Variants in ARSB observed in about 807,000 individuals in gnomAD.
The protein encoded by ARSB is arylsulfatase B.
In ARSB, 41 loss-of-function variants were observed where a neutral mutation model predicts 50.9. The ratio of observed to expected loss-of-function variants is 0.81; its 90% confidence interval spans 0.63 to 1.04. The LOEUF (loss-of-function observed/expected upper bound fraction) is 1.04, where lower values mean the gene tolerates loss of function less well. ARSB is among the 50% of genes least tolerant of loss of function. ARSB has a pLI of 0.00. For synonymous variants in ARSB, 269 were observed against 284.8 expected, an observed-to-expected ratio of 0.94 and a Z score of 0.56; for missense variants, 672 against 693.3, an observed-to-expected ratio of 0.97 and a Z score of 0.35.
intron 4 of ARSB, among the ~76,000 whole-genome samples, chr5:78,930,959 T>C (rs1415655008): frequency 2.0e-5 from 3 of 152,122 alleles, no homozygotes; most frequent in African/African-American, 7.2e-5. Flanking sequence ...GGAAGGCGAC[T>C]GTAGTCTTTC....
chr5:78,823,612 A>G (rs1744320883), intron 6 of ARSB, among the ~76,000 whole-genome samples: 1 of 152,224 alleles, frequency 6.6e-6, no homozygotes, highest in Non-Finnish European at 1.5e-5. Flanking sequence ...GGTGGTAGAT[A>G]CTGAGCTCCT....
At chr5:78,890,201 C>T (rs1034912397) in intron 4 of ARSB, among the ~76,000 whole-genome samples, 8 of 151,160 alleles carry the variant, frequency 5.3e-5, no homozygotes, top group South Asian at 2.1e-4. Flanking sequence ...ATTTTGGAGA[C>T]ATTATCTACC....
intron 5 of ARSB, among the ~76,000 whole-genome samples, chr5:78,877,299 T>C (rs1409501755): frequency 1.3e-5 from 2 of 152,222 alleles, no homozygotes; most frequent in African/African-American, 4.8e-5. Flanking sequence ...AGTTGCCTAA[T>C]AAATCCTAAA....
At chr5:78,813,131 C>T (rs1330656516) in intron 6 of ARSB, among the ~76,000 whole-genome samples, 1 of 151,680 alleles carries the variant, frequency 6.6e-6, no homozygotes, top group Non-Finnish European at 1.5e-5. Flanking sequence ...GTGGTGCAAT[C>T]TCGGCTCACT....
intron 6 of ARSB, among the ~76,000 whole-genome samples, chr5:78,828,039 C>T (rs1744509533): frequency 6.6e-6 from 1 of 151,936 alleles, no homozygotes; most frequent in Admixed American, 6.6e-5. Flanking sequence ...AAAAATTCTA[C>T]AAACTAAGAA....
At chr5:78,928,683 C>T (rs1209458234) in intron 4 of ARSB, among the ~76,000 whole-genome samples, 1 of 152,024 alleles carries the variant, frequency 6.6e-6, no homozygotes, top group East Asian at 1.9e-4. Context: ...ATTCTTCCAT[C>T]GAAGAATCAA....
intron 3 of ARSB, among the ~76,000 whole-genome samples, chr5:78,960,044 C>T (rs1580129334): frequency 6.6e-6 from 1 of 152,226 alleles, no homozygotes; most frequent in South Asian, 2.1e-4. Flanking sequence ...GGTCCAGATC[C>T]CTGTTCTCAT....
chr5:78,967,247 A>G (rs1752246524), intron 2 of ARSB, among the ~76,000 whole-genome samples: 1 of 152,132 alleles, frequency 6.6e-6, no homozygotes, highest in Non-Finnish European at 1.5e-5. Context: ...CCTTCTCCCA[A>G]AGGAGAAATT....
intron 4 of ARSB, among the ~76,000 whole-genome samples, chr5:78,940,912 A>G (rs924722455): frequency 3.3e-5 from 5 of 152,190 alleles, no homozygotes; most frequent in African/African-American, 1.2e-4. Context: ...CTTCCTACCC[A>G]TGAGCATGGA....
chr5:78,961,281 T>C (rs1396107750), intron 3 of ARSB, among the ~76,000 whole-genome samples: 4 of 152,330 alleles, frequency 2.6e-5, no homozygotes, highest in East Asian at 1.9e-4. Flanking sequence ...TTATACAGAA[T>C]TGAAAATGTA....
intron 5 of ARSB, among the ~76,000 whole-genome samples, chr5:78,845,688 G>A (rs1745415726): frequency 6.6e-6 from 1 of 151,994 alleles, no homozygotes; most frequent in South Asian, 2.1e-4. Context: ...TATTTTGAGA[G>A]GTGTCTATTC....
At chr5:78,860,563 G>A (rs1746383476) in intron 5 of ARSB, among the ~76,000 whole-genome samples, 1 of 152,122 alleles carries the variant, frequency 6.6e-6, no homozygotes, top group Non-Finnish European at 1.5e-5. Flanking sequence ...TGAAACCAAT[G>A]AGAGCAAAGA....
intron 6 of ARSB, among the ~76,000 whole-genome samples, chr5:78,798,386 TAAAAA>T (rs34346174): frequency 8.3e-6 from 1 of 120,698 alleles, no homozygotes. Flanking sequence ...GCATTGTGTG[TAAAAA>T]AAAAAAAAAA....
chr5:78,910,227 C>A (rs1233248755), intron 4 of ARSB, among the ~76,000 whole-genome samples: 1 of 152,196 alleles, frequency 6.6e-6, no homozygotes, highest in African/African-American at 2.4e-5. Context: ...GGTGCAGGTC[C>A]TCTGTATGCT....
At chr5:78,981,280 T>G (rs1335145703) in intron 1 of ARSB, among the ~76,000 whole-genome samples, 4 of 152,338 alleles carry the variant, frequency 2.6e-5, no homozygotes, top group African/African-American at 9.6e-5. Flanking sequence ...TACCAGTAAC[T>G]ACTTACCCCA....
chr5:78,925,814 T>C (rs144238872), intron 4 of ARSB, among the ~76,000 whole-genome samples: 1 of 152,338 alleles, frequency 6.6e-6, no homozygotes, highest in East Asian at 1.9e-4. Flanking sequence ...TTTCCCGATT[T>C]ACAAAACGGT....
intron 5 of ARSB, among the ~76,000 whole-genome samples, chr5:78,871,010 A>G (rs1015252065): frequency 2.9e-4 from 44 of 151,266 alleles, no homozygotes; most frequent in Admixed American, 4.6e-4. Context: ...AAGCATTCCT[A>G]TACACCAACA....
At chr5:78,845,541 T>G (rs1194333576) in intron 5 of ARSB, among the ~76,000 whole-genome samples, 1 of 152,160 alleles carries the variant, frequency 6.6e-6, no homozygotes, top group East Asian at 1.9e-4. Flanking sequence ...CCAGGATCTG[T>G]TATTTTTTAA....
In ARSB at chr5:78,856,360, T is replaced by C. The variant is rs1403254379; in HGVS notation, c.1143-16934A>G. 2.0e-5 allele frequency among the ~76,000 whole-genome samples: 3 copies of C among 152,210 alleles called. 1 individual carries two copies. In the East Asian group the frequency reaches 5.8e-4, roughly 29 times the overall value. On this transcript the variant is annotated intron_variant, in intron 5 of 7. Coordinates refer to ENST00000264914, the MANE Select transcript of ARSB (RefSeq NM_000046.5). ...GACACTTAGGTAAGAAGTCCATATA[T>C]AATGATAATGGCTTCCCCTTGAAAA... is the stretch of plus-strand genomic sequence containing the variant.
Sources: allele counts gnomAD v4.1 joint callset (sites outside exome capture counted in the v4.1 genomes callset), GRCh38; gene constraint gnomAD v4.1.1; transcripts MANE v1.5; gene names NCBI Gene and HGNC (gene_info 2026-07-23, HGNC 2026-07-21).